NRXN3: variants seen among roughly 807,000 people sequenced by gnomAD.
The protein encoded by NRXN3 is neurexin III.
In NRXN3, 32 loss-of-function variants were observed where a neutral mutation model predicts 137.6. The ratio of observed to expected loss-of-function variants is 0.23; its 90% CI spans 0.18 to 0.31. The LOEUF is 0.31. NRXN3 is among the 10% of genes least tolerant of loss of function. NRXN3 has a pLI of 1.00. For synonymous variants in NRXN3, 798 were observed against 784.5 expected (o/e 1.02, Z -0.29); for missense variants, 1,574 against 2,062.5 (o/e 0.76, Z 4.59).
intron 4 of NRXN3, among the ~76,000 whole-genome samples, chr14:78,324,553 A>G (rs868027895): frequency 6.6e-6 from 1 of 152,244 alleles, no homozygotes; most frequent in Middle Eastern, 3.4e-3. Context: ...CCAAATTAAG[A>G]GATTACGCAA....
At chr14:79,239,092 G>C (rs2073888230) in intron 15 of NRXN3, among the ~76,000 whole-genome samples, 1 of 152,084 alleles carries the variant, frequency 6.6e-6, no homozygotes, top group Non-Finnish European at 1.5e-5. Context: ...ATACATACAT[G>C]CGTATATACA....
intron 16 of NRXN3, among the ~76,000 whole-genome samples, chr14:79,538,882 A>G (rs2097242985): frequency 6.6e-6 from 1 of 152,168 alleles, no homozygotes; most frequent in Non-Finnish European, 1.5e-5. Context: ...TATGCTTCTC[A>G]TTCATTATTT....
chr14:78,538,068 G>A (rs139080412), intron 4 of NRXN3, among the ~76,000 whole-genome samples: 1,673 of 152,196 alleles, frequency 0.011, 12 homozygotes, highest in Non-Finnish European at 0.017. Context: ...TGTTCTTTTT[G>A]CTTAGGATTG....
intron 10 of NRXN3, among the ~76,000 whole-genome samples, chr14:78,952,965 A>G (rs1350202795): frequency 6.6e-6 from 1 of 152,120 alleles, no homozygotes; most frequent in Non-Finnish European, 1.5e-5. Context: ...GAGCAAACCC[A>G]TCTGGTTTAG....
intron 15 of NRXN3, among the ~76,000 whole-genome samples, chr14:79,172,567 A>G (rs995915897): frequency 3.3e-5 from 5 of 152,308 alleles, no homozygotes; most frequent in African/African-American, 1.2e-4. Context: ...CTAGGAGTAC[A>G]TTTAACAAGA....
At chr14:78,421,846 A>G (rs957594156) in intron 4 of NRXN3, among the ~76,000 whole-genome samples, 1 of 152,178 alleles carries the variant, frequency 6.6e-6, no homozygotes, top group African/African-American at 2.4e-5. Context: ...TCCTATTTAC[A>G]TCTTTCTGAT....
At chr14:79,102,188 T>C (rs1050189145) in intron 15 of NRXN3, among the ~76,000 whole-genome samples, 3 of 152,158 alleles carry the variant, frequency 2.0e-5, no homozygotes, top group African/African-American at 7.2e-5. Flanking sequence ...TATAATATAG[T>C]TCCCTTCTGC....
intron 4 of NRXN3, among the ~76,000 whole-genome samples, chr14:78,638,617 A>T (rs1268057033): frequency 6.6e-6 from 1 of 151,560 alleles, no homozygotes; most frequent in African/African-American, 2.4e-5. Flanking sequence ...TTTTGCAAAT[A>T]TGATCATCTC....
intron 4 of NRXN3, among the ~76,000 whole-genome samples, chr14:78,476,854 T>A (rs549216921): frequency 6.6e-6 from 1 of 152,356 alleles, no homozygotes; most frequent in East Asian, 1.9e-4. Flanking sequence ...AGTTAATATT[T>A]GTCTGCAGAT....
Position 79,100,388 on chromosome 14 carries a change from G to T in NRXN3, c.3262+112247G>T, listed in dbSNP as rs944287335. Among the ~76,000 whole-genome samples, 59 of 152,302 alleles carry T rather than the reference G, an allele frequency of 3.9e-4. 1 individual carries two copies. The highest frequency in any genetic ancestry group is 1.3e-3 in the African/African-American group (55 of 41,564). ...ATGTAAAACTTTTATAAATAGCAAA[G>T]AGACTTATACTTCTCTAGCTTTGCA... On this transcript the variant is annotated intron_variant, in intron 15 of 20. Coordinates refer to ENST00000335750, the MANE Select transcript of NRXN3 (RefSeq NM_001330195.2).
At chr14:79,219,655 G>A (rs917772088) in intron 15 of NRXN3, among the ~76,000 whole-genome samples, 3 of 152,130 alleles carry the variant, frequency 2.0e-5, no homozygotes, top group Non-Finnish European at 2.9e-5. Context: ...TCCACATACC[G>A]GTTTGGGACT....
At chr14:78,393,851 T>C (rs888387949) in intron 4 of NRXN3, among the ~76,000 whole-genome samples, 1 of 152,014 alleles carries the variant, frequency 6.6e-6, no homozygotes, top group South Asian at 2.1e-4. Context: ...GTGCTTTAAG[T>C]TTTTGAGCAA....
chr14:78,250,013 C>T (rs560142912), intron 2 of NRXN3: 1 of 466,902 alleles, frequency 2.1e-6, no homozygotes, highest in East Asian at 6.0e-5. Flanking sequence ...CAGGCTCACA[C>T]TGTCTTAGGT....
intron 10 of NRXN3, among the ~76,000 whole-genome samples, chr14:78,911,902 G>A (rs927175057): frequency 6.6e-6 from 1 of 151,420 alleles, no homozygotes; most frequent in Non-Finnish European, 1.5e-5. Flanking sequence ...AAATTGGTAT[G>A]TTTTTTTCCT....
intron 15 of NRXN3, among the ~76,000 whole-genome samples, chr14:79,427,739 G>A (rs1448762680): frequency 6.6e-6 from 1 of 151,872 alleles, no homozygotes; most frequent in African/African-American, 2.4e-5. Flanking sequence ...GGCTGAGGCA[G>A]GAGAATTGCT....
chr14:79,413,850 G>GAGT (rs961177182), intron 15 of NRXN3, among the ~76,000 whole-genome samples: 1 of 136,796 alleles, frequency 7.3e-6, no homozygotes, highest in African/African-American at 2.7e-5. Flanking sequence ...CATGAACTGT[G>GAGT]AGTGCAAGCT....
chr14:79,469,429 G>C (rs2096470466), intron 16 of NRXN3, among the ~76,000 whole-genome samples: 1 of 152,138 alleles, frequency 6.6e-6, no homozygotes, highest in Non-Finnish European at 1.5e-5. Context: ...TCTTTGAAAA[G>C]TGAATACTCT....
intron 15 of NRXN3, among the ~76,000 whole-genome samples, chr14:79,262,548 G>A (rs917336605): frequency 2.0e-5 from 3 of 151,456 alleles, no homozygotes; most frequent in Admixed American, 2.0e-4. Context: ...AAAGGAAGGA[G>A]AGAGGAGGAG....
At chr14:78,380,605 A>T (rs1025382594) in intron 4 of NRXN3, among the ~76,000 whole-genome samples, 1 of 152,146 alleles carries the variant, frequency 6.6e-6, no homozygotes, top group Non-Finnish European at 1.5e-5. Flanking sequence ...TTAAGAAAAG[A>T]TTCTTCCCTA....
Sources: allele counts gnomAD v4.1 joint callset (sites outside exome capture counted in the v4.1 genomes callset), GRCh38; gene constraint gnomAD v4.1.1; transcripts MANE v1.5; gene names NCBI Gene and HGNC (gene_info 2026-07-23, HGNC 2026-07-21).